The following ZNF385B variants were observed in gnomAD, a reference collection of about 807,000 sequenced individuals.
ZNF385B encodes zinc finger protein 385B, also known as zinc finger protein 533.
A neutral mutation model predicts 39.2 loss-of-function variants in ZNF385B; 23 were observed. The ratio of observed to expected loss-of-function variants is 0.59; its 90% confidence interval spans 0.42 to 0.83. ZNF385B has a LOEUF of 0.83. Among genes scored for constraint, ZNF385B ranks in the 40% least tolerant of loss-of-function variants. ZNF385B has a pLI of 0.00. For synonymous variants in ZNF385B, 205 were observed against 222.6 expected (o/e 0.92, Z 0.70); for missense variants, 552 against 598.9 (o/e 0.92, Z 0.82).
At chr2:179,646,202 G>A (rs145547181) in intron 3 of ZNF385B, among the ~76,000 whole-genome samples, 2,705 of 152,270 alleles carry the variant, frequency 0.018, 35 homozygotes, top group Non-Finnish European at 0.025. Flanking sequence ...ATCACCTGAG[G>A]TCAGTAGTTC....
intron 1 of ZNF385B, among the ~76,000 whole-genome samples, chr2:179,795,426 T>A (rs1466650916): frequency 9.9e-5 from 15 of 152,236 alleles, no homozygotes; most frequent in African/African-American, 3.4e-4. Flanking sequence ...TTAACTGTGG[T>A]GGGGAGTTTT....
intron 1 of ZNF385B, among the ~76,000 whole-genome samples, chr2:179,832,409 G>A (rs1354978574): frequency 6.6e-6 from 1 of 152,152 alleles, no homozygotes; most frequent in African/African-American, 2.4e-5. Flanking sequence ...AACACTTCCA[G>A]GGTCAGTATT....
At chr2:179,731,681 G>A (rs1353577412) in intron 3 of ZNF385B, among the ~76,000 whole-genome samples, 1 of 152,200 alleles carries the variant, frequency 6.6e-6, no homozygotes, top group Non-Finnish European at 1.5e-5. Context: ...CAGCTACTCA[G>A]GAGGTTGGAG....
At chr2:179,718,696 C>A (rs1379857046) in intron 3 of ZNF385B, among the ~76,000 whole-genome samples, 1 of 150,532 alleles carries the variant, frequency 6.6e-6, no homozygotes, top group Non-Finnish European at 1.5e-5. Flanking sequence ...CTACATATAT[C>A]ATTTCTTTAC....
At position 179,747,834 on chromosome 2, in the gene ZNF385B, G is replaced by C. The variant is rs115676360; in HGVS notation, c.298+21669C>G. Reference sequence around the variant, plus strand: ...TATATAATGCCGCACTGGGGTCTGGGGCAACAACTCTATAATCAGACACAT... The same window carrying C: ...TATATAATGCCGCACTGGGGTCTGGCGCAACAACTCTATAATCAGACACAT... On this transcript the variant is annotated intron_variant, in intron 3 of 9. Transcript: ENST00000410066. Among the ~76,000 whole-genome samples, 667 of 151,978 alleles carry C rather than the reference G, an allele frequency of 4.4e-3. 8 individuals are homozygous for C. Among genetic ancestry groups the C allele is most frequent in the African/African-American group, 0.015 (632 of 41,448 alleles).
chr2:179,482,374 C>G (rs929041183), intron 6 of ZNF385B, among the ~76,000 whole-genome samples: 8 of 152,252 alleles, frequency 5.3e-5, no homozygotes, highest in African/African-American at 1.9e-4. Flanking sequence ...GACATATTCT[C>G]TCAGTCTCCT....
At chr2:179,451,187 A>C (rs1371596312) in intron 6 of ZNF385B, among the ~76,000 whole-genome samples, 1 of 151,702 alleles carries the variant, frequency 6.6e-6, no homozygotes, top group Non-Finnish European at 1.5e-5. Context: ...CCAACATGGC[A>C]CATGTATACA....
chr2:179,587,708 A>G (rs1459538616), intron 3 of ZNF385B, among the ~76,000 whole-genome samples: 1 of 152,226 alleles, frequency 6.6e-6, no homozygotes, highest in African/African-American at 2.4e-5. Context: ...AAGGTTTAAA[A>G]TGCACATGTC....
chr2:179,708,185 G>A (rs999177673), intron 3 of ZNF385B, among the ~76,000 whole-genome samples: 6 of 152,182 alleles, frequency 3.9e-5, no homozygotes, highest in Non-Finnish European at 5.9e-5. Flanking sequence ...CCCACATGTC[G>A]AGGGAGGGAC....
chr2:179,769,575 G>T lies in ZNF385B; in HGVS notation c.226C>A (p.Arg76=). 6.2e-7 allele frequency: 1 copy of T among 1,614,176 alleles called. No homozygotes were observed. Among genetic ancestry groups the T allele is most frequent in the East Asian group, 2.2e-5 (1 of 44,884 alleles). Residue 76 remains arginine, a synonymous_variant, in exon 3 of 10, where the codon CGA becomes AGA. Transcript: ENST00000410066. ...TGCCCATCACTCAGCTGCTTCACTC[G>T]TTTGCGGTGGGATTTGCCGTTGGAA... ...VHSNGKSHRK[R]VKQLSDGQPP...
chr2:179,854,380 T>C (rs1487545426), intron 1 of ZNF385B, among the ~76,000 whole-genome samples: 1 of 152,096 alleles, frequency 6.6e-6, no homozygotes, highest in Non-Finnish European at 1.5e-5. Context: ...CTCTTTTAAC[T>C]CTAAACATAC....
chr2:179,827,898 AT>A (rs1478855942), intron 1 of ZNF385B, among the ~76,000 whole-genome samples: 2 of 151,986 alleles, frequency 1.3e-5, no homozygotes, highest in Non-Finnish European at 2.9e-5. Flanking sequence ...GGTAACCACT[AT>A]CCTGACTTTT....
At chr2:179,466,915 C>CAAAA (rs777679885) in intron 6 of ZNF385B, among the ~76,000 whole-genome samples, 4,230 of 26,888 alleles carry the variant, frequency 0.16, 1,045 homozygotes, top group Non-Finnish European at 0.19. Flanking sequence ...GCAAGACTGT[C>CAAAA]AAAAAAAAAA....
chr2:179,826,115 A>G (rs2106590080), intron 1 of ZNF385B, among the ~76,000 whole-genome samples: 1 of 152,326 alleles, frequency 6.6e-6, no homozygotes, highest in South Asian at 2.1e-4. Context: ...TAAGTTACCA[A>G]ATTATGAAAA....
chr2:179,572,756 T>TA (rs1299517658), intron 3 of ZNF385B, among the ~76,000 whole-genome samples: 2 of 152,146 alleles, frequency 1.3e-5, no homozygotes, highest in Non-Finnish European at 2.9e-5. Flanking sequence ...TTTTGGTTTC[T>TA]ACCTACCCAT....
intron 3 of ZNF385B, among the ~76,000 whole-genome samples, chr2:179,677,471 T>A (rs967079858): frequency 4.6e-5 from 7 of 152,248 alleles, no homozygotes; most frequent in African/African-American, 1.7e-4. Context: ...AAGGAATATA[T>A]CTTAACTTCT....
chr2:179,599,209 G>A (rs908614356), intron 3 of ZNF385B, among the ~76,000 whole-genome samples: 8 of 152,162 alleles, frequency 5.3e-5, no homozygotes, highest in Admixed American at 5.2e-4. Flanking sequence ...AGAAGACTAA[G>A]GGACTTGCTC....
At chr2:179,467,905 C>T (rs774524529) in intron 6 of ZNF385B, among the ~76,000 whole-genome samples, 4 of 152,158 alleles carry the variant, frequency 2.6e-5, no homozygotes, top group Admixed American at 6.6e-5. Flanking sequence ...ACCAGCCCTG[C>T]ATCATACTCA....
intron 1 of ZNF385B, among the ~76,000 whole-genome samples, chr2:179,798,867 T>C (rs897984264): frequency 6.6e-6 from 1 of 152,096 alleles, no homozygotes; most frequent in Non-Finnish European, 1.5e-5. Flanking sequence ...TTAAAACATT[T>C]ATGTTGTTTC....
Sources: allele counts gnomAD v4.1 joint callset (sites outside exome capture counted in the v4.1 genomes callset), GRCh38; gene constraint gnomAD v4.1.1; transcripts MANE v1.5; gene names NCBI Gene and HGNC (gene_info 2026-07-23, HGNC 2026-07-21).